The following NUTM2E variants were observed in gnomAD, a reference collection of about 807,000 sequenced individuals.
NUTM2E encodes family with sequence similarity 22, member E.
In NUTM2E, 3 loss-of-function variants were observed where a neutral mutation model predicts 26.1. That is an observed-to-expected ratio of 0.12 (90% CI 0.05 to 0.30). The LOEUF (loss-of-function observed/expected upper bound fraction) is 0.30. Among genes scored for constraint, NUTM2E ranks in the 10% least tolerant of loss-of-function variants. The pLI is 1.00. For missense variants in NUTM2E, 62 were observed against 381.3 expected, an observed-to-expected ratio of 0.16 and a Z score of 6.97; for synonymous variants, 13 against 157.5, an observed-to-expected ratio of 0.08 and a Z score of 6.87.
Position 79,837,797 on chromosome 10 carries a change from G to T in NUTM2E, c.-2727-512G>T, listed in dbSNP as rs1171896364. ...TTTCATGCATAGATATTTGTAGAGGGCCTGCTGTGTGCCAGATATTAAGCA... is the reference window on the plus strand; with the variant it reads ...TTTCATGCATAGATATTTGTAGAGGTCCTGCTGTGTGCCAGATATTAAGCA... On this transcript the variant is annotated intron_variant, in intron 1 of 9. Transcript: ENST00000429984. Among the ~76,000 whole-genome samples the T allele has an allele frequency of 2.0e-5, 3 of 151,932 alleles. No homozygotes were observed. The East Asian group carries it at 5.8e-4, about 29-fold the overall frequency.
At chr10:79,843,298 C>T (rs1387585259) in intron 4 of NUTM2E, among the ~76,000 whole-genome samples, 123 of 97,520 alleles carry the variant, frequency 1.3e-3, no homozygotes, top group African/African-American at 4.1e-3. Flanking sequence ...TGTCCCACTA[C>T]CTATTGTAAC....
intron 1 of NUTM2E, among the ~76,000 whole-genome samples, chr10:79,834,925 CTCTG>C (rs1430351026): frequency 6.6e-6 from 1 of 151,334 alleles, no homozygotes; most frequent in Non-Finnish European, 1.5e-5. Context: ...TTATCTTTCT[CTCTG>C]TGTGTTTCTC....
At chr10:79,836,150 C>T (rs1043329585) in intron 1 of NUTM2E, among the ~76,000 whole-genome samples, 2 of 151,404 alleles carry the variant, frequency 1.3e-5, no homozygotes, top group Non-Finnish European at 2.9e-5. Context: ...CTAAGTTTCC[C>T]TCATAATTGT....
In NUTM2E at chr10:79,843,347, G is replaced by C. The variant is rs1316183032; in HGVS notation, c.383-826G>C. ...GTGAAAATCCCTAGACACCTCCCCTGTTAGCTCTGCTGCTCACCATTTGCT... is the reference window on the plus strand; with the variant it reads ...GTGAAAATCCCTAGACACCTCCCCTCTTAGCTCTGCTGCTCACCATTTGCT... On this transcript the variant is annotated intron_variant, in intron 4 of 9. Coordinates refer to ENST00000429984, the MANE Select transcript of NUTM2E (RefSeq NM_001355263.2). 1.9e-4 allele frequency among the ~76,000 whole-genome samples: 6 copies of C among 32,116 alleles called. 2 individuals are homozygous for C. The East Asian group carries it at 3.3e-3, about 17-fold the overall frequency. The allele number at this position is 32,116 out of a possible 152,430, so 21.1% of individuals were successfully genotyped here. A position where few individuals can be genotyped will look rare whatever the true frequency, so the allele number is the denominator to read the frequency against.
At chr10:79,837,979 C>T (rs1841974231) in intron 1 of NUTM2E, among the ~76,000 whole-genome samples, 6 of 151,500 alleles carry the variant, frequency 4.0e-5, no homozygotes, top group Admixed American at 3.9e-4. Flanking sequence ...TCAGCTGCAG[C>T]CTCAGAAACA....
chr10:79,849,929 C>G lies in NUTM2E; in HGVS notation c.1960C>G (p.Gln654Glu), dbSNP rs544630452. ...AAGTTCTTCTAAGTTTGCAGCTGGCCAAGGAGCAGAGAGAGACGTCCCTGA... is the reference window on the plus strand; with the variant it reads ...AAGTTCTTCTAAGTTTGCAGCTGGCGAAGGAGCAGAGAGAGACGTCCCTGA... ...DSSSSKFAAG[Q>E]GAERDVPDPQ... The change falls in exon 10 of 10, where the codon CAA becomes GAA. Residue 654 changes from glutamine to glutamate, a missense_variant. Transcript: ENST00000429984. The G allele has an allele frequency of 2.4e-4, 185 of 767,236 alleles. 63 individuals carry two copies. The South Asian group carries it at 3.0e-3, about 12-fold the overall frequency. The allele number at this position is 767,236 out of a possible 1,614,324, so 47.5% of individuals were successfully genotyped here.
chr10:79,840,573 G>A lies in NUTM2E; in HGVS notation c.-1168G>A, dbSNP rs925951015. Reference sequence around the variant, plus strand: ...GGAAATGACCTTCTCACACAACTGGGGCAGTGGGGGAGAACCCTGGGCTTG... The same window carrying A: ...GGAAATGACCTTCTCACACAACTGGAGCAGTGGGGGAGAACCCTGGGCTTG... On this transcript the variant is annotated 5_prime_UTR_variant, in exon 4 of 10. Transcript: ENST00000429984. Among the ~76,000 whole-genome samples the A allele has an allele frequency of 6.9e-6, 1 of 143,970 alleles. No homozygotes were observed. The highest frequency in any genetic ancestry group is 1.5e-5 in the Non-Finnish European group (1 of 65,112). 94.4% of individuals were successfully genotyped at this position (143,970 alleles called of 152,430 possible). A position where few individuals can be genotyped will look rare whatever the true frequency, so the allele number is the denominator to read the frequency against.
chr10:79,828,050 CT>C (rs1269389065), intron 1 of NUTM2E, among the ~76,000 whole-genome samples: 1 of 151,674 alleles, frequency 6.6e-6, no homozygotes, highest in Admixed American at 6.6e-5. Context: ...CCACCTCGGC[CT>C]CCCAAAGTGC....
intron 1 of NUTM2E, among the ~76,000 whole-genome samples, chr10:79,829,652 A>T (rs1265862253): frequency 1.3e-5 from 2 of 151,954 alleles, no homozygotes; most frequent in Non-Finnish European, 2.9e-5. Context: ...GCCAAAGCAG[A>T]TAGTCCAATA....
rs1841954033 is a variant in NUTM2E, at chr10:79,835,196, C to T, written c.-2727-3113C>T. On this transcript the variant is annotated intron_variant, in intron 1 of 9. Coordinates refer to ENST00000429984, the MANE Select transcript of NUTM2E (RefSeq NM_001355263.2). ...ATGTCATTACCTGAAGAGCACAAAT[C>T]TGGGGACAGACAGAATTTTAATCAT... 6.1e-5 allele frequency among the ~76,000 whole-genome samples: 7 copies of T among 114,770 alleles called. No homozygotes were observed. The South Asian group carries it at 2.1e-3, about 34-fold the overall frequency. The allele number at this position is 114,770 out of a possible 152,430, so 75.3% of individuals were successfully genotyped here.
chr10:79,834,692 A>G (rs1174134480), intron 1 of NUTM2E, among the ~76,000 whole-genome samples: 1 of 150,118 alleles, frequency 6.7e-6, no homozygotes. Context: ...TCAAAATAAA[A>G]TACAATAAAA....
At chr10:79,837,723 ATG>A (rs1841972681) in intron 1 of NUTM2E, among the ~76,000 whole-genome samples, 1 of 151,890 alleles carries the variant, frequency 6.6e-6, no homozygotes, top group Non-Finnish European at 1.5e-5. Context: ...CAGTGTGTGT[ATG>A]TGTGTGTGTG....
chr10:79,830,558 A>G (rs910430060), intron 1 of NUTM2E, among the ~76,000 whole-genome samples: 4 of 151,826 alleles, frequency 2.6e-5, no homozygotes, highest in African/African-American at 9.7e-5. Context: ...TGTATAACCA[A>G]TAACTTACTT....
chr10:79,847,815 G>A (rs1299065806), intron 6 of NUTM2E, 116 bp from the exon 7 acceptor site: 1 of 391,500 alleles, frequency 2.6e-6, no homozygotes, highest in African/African-American at 2.8e-5. Context: ...ACACAGTGAG[G>A]GCCTGGACAG....
chr10:79,834,266 G>A (rs1841946544), intron 1 of NUTM2E, among the ~76,000 whole-genome samples: 1 of 151,630 alleles, frequency 6.6e-6, no homozygotes, highest in African/African-American at 2.4e-5. Flanking sequence ...CAGATGACAG[G>A]TTGATGGGCA....
chr10:79,839,582 C>T (rs1194126011), intron 3 of NUTM2E, among the ~76,000 whole-genome samples, 46 bp from the exon 4 acceptor site: 1 of 151,692 alleles, frequency 6.6e-6, no homozygotes, highest in African/African-American at 2.4e-5. Flanking sequence ...TTTGTAATAC[C>T]TTCAGAAGAA....
At position 79,826,829 on chromosome 10, in the gene NUTM2E, C is replaced by G. The variant is rs1302826009; in HGVS notation, c.-3256C>G. The G allele has an allele frequency of 6.6e-6, 1 of 151,692 alleles. No individual in the cohort carries two copies. The highest frequency in any genetic ancestry group is 1.5e-5 in the Non-Finnish European group (1 of 67,868). 9.4% of individuals were successfully genotyped at this position (151,692 alleles called of 1,614,324 possible). A position where few individuals can be genotyped will look rare whatever the true frequency, so the allele number is the denominator to read the frequency against. ...CCGGCGCAGTGCACGCTGGGCCGCC[C>G]CGGAGCGATCGCAGAGCCCGTCGGG... On this transcript the variant is annotated 5_prime_UTR_variant, in exon 1 of 10. Coordinates refer to ENST00000429984, the MANE Select transcript of NUTM2E (RefSeq NM_001355263.2).
In NUTM2E at chr10:79,827,091, G is replaced by A. The variant is rs397843008; in HGVS notation, c.-2994G>A. ...TACGGCCCAGCCCCGCCCGCGGCGAGGTGCGCGGGGTTCGGTGCGAGCCCC... is the reference window on the plus strand; with the variant it reads ...TACGGCCCAGCCCCGCCCGCGGCGAAGTGCGCGGGGTTCGGTGCGAGCCCC... On this transcript the variant is annotated 5_prime_UTR_variant, in exon 1 of 10. Coordinates refer to ENST00000429984, the MANE Select transcript of NUTM2E (RefSeq NM_001355263.2). 6.6e-6 allele frequency: 1 copy of A among 151,914 alleles called. No individual in the cohort carries two copies. The highest frequency in any genetic ancestry group is 1.5e-5 in the Non-Finnish European group (1 of 67,786). The allele number at this position is 151,914 out of a possible 1,614,324, so 9.4% of individuals were successfully genotyped here. A position where few individuals can be genotyped will look rare whatever the true frequency, so the allele number is the denominator to read the frequency against.
chr10:79,834,470 G>A (rs1161656986), intron 1 of NUTM2E, among the ~76,000 whole-genome samples: 2 of 151,560 alleles, frequency 1.3e-5, no homozygotes, highest in African/African-American at 2.4e-5. Context: ...GGAGCCCGAG[G>A]CAGGCGGATC....
Sources: allele counts gnomAD v4.1 joint callset (sites outside exome capture counted in the v4.1 genomes callset), GRCh38; gene constraint gnomAD v4.1.1; transcripts MANE v1.5; gene names NCBI Gene and HGNC (gene_info 2026-07-23, HGNC 2026-07-21).